Variants in CSMD3 observed in about 807,000 individuals in gnomAD.
CSMD3 encodes the protein CUB and sushi domain-containing protein 3.
A neutral mutation model predicts 435.2 loss-of-function variants in CSMD3; 177 were observed. The ratio of observed to expected loss-of-function variants is 0.41; its 90% CI spans 0.36 to 0.46. The LOEUF is 0.46. Ranked by LOEUF, CSMD3 falls within the 20% of genes least tolerant of loss-of-function variation. The probability of loss-of-function intolerance (pLI) is 0.34; values close to 1 mark genes in which losing one functional copy is unlikely to be tolerated. For synonymous variants in CSMD3, 1,656 were observed against 1,520.5 expected (o/e 1.09, Z -2.07); for missense variants, 4,265 against 4,504.6 (o/e 0.95, Z 1.52).
rs183068786 is a variant in CSMD3 at position 112,806,475 on chromosome 8, A to G, written c.1860-6201T>C. Reference sequence around the variant, plus strand: ...GCAGTCACTTATATGCGCGTCCCACATGCTGTGACAGCTATCTTACAAGTG... The same window carrying G: ...GCAGTCACTTATATGCGCGTCCCACGTGCTGTGACAGCTATCTTACAAGTG... On this transcript the variant is annotated intron_variant, in intron 12 of 70. Transcript: ENST00000297405. 1.3e-5 allele frequency among the ~76,000 whole-genome samples: 2 copies of G among 152,326 alleles called. 1 individual carries two copies. The highest frequency in any genetic ancestry group is 1.3e-4 in the Admixed American group (2 of 15,288).
intron 4 of CSMD3, among the ~76,000 whole-genome samples, chr8:113,146,296 T>G (rs2091671463): frequency 6.6e-6 from 1 of 151,448 alleles, no homozygotes; most frequent in Non-Finnish European, 1.5e-5. Flanking sequence ...GGGTAGGAAG[T>G]GACACTTTAA....
At chr8:112,942,739 T>C (rs2083490040) in intron 9 of CSMD3, among the ~76,000 whole-genome samples, 1 of 151,604 alleles carries the variant, frequency 6.6e-6, no homozygotes, top group Non-Finnish European at 1.5e-5. Context: ...AGGGTGAGGA[T>C]CAGAAAACTA....
chr8:112,808,858 T>A (rs1431875359), intron 12 of CSMD3, among the ~76,000 whole-genome samples: 1 of 152,048 alleles, frequency 6.6e-6, no homozygotes, highest in Non-Finnish European at 1.5e-5. Context: ...GACTCCTGAA[T>A]TAGTCTCAGA....
intron 10 of CSMD3, among the ~76,000 whole-genome samples, chr8:112,863,168 G>T (rs2080874155): frequency 6.6e-6 from 1 of 151,708 alleles, no homozygotes; most frequent in South Asian, 2.1e-4. Context: ...ATTTTGCTTT[G>T]AATTAACTTT....
At chr8:112,493,592 C>T (rs574476506) in intron 30 of CSMD3, among the ~76,000 whole-genome samples, 5 of 152,170 alleles carry the variant, frequency 3.3e-5, no homozygotes, top group Non-Finnish European at 7.4e-5. Context: ...TTTTCTATCC[C>T]TATGCAAAAC....
chr8:112,736,381 C>T (rs2077185601), intron 13 of CSMD3, among the ~76,000 whole-genome samples: 1 of 152,042 alleles, frequency 6.6e-6, no homozygotes, highest in Non-Finnish European at 1.5e-5. Flanking sequence ...TGACCTCCTG[C>T]CTTGACAGGC....
At chr8:112,225,025 T>A in intron 70 of CSMD3, 95 bp from the exon 71 acceptor site, 1 of 1,203,452 alleles carries the variant, frequency 8.3e-7, no homozygotes, top group East Asian at 2.3e-5. Flanking sequence ...GCAGATAATG[T>A]AACTTAAAAA....
intron 10 of CSMD3, among the ~76,000 whole-genome samples, chr8:112,863,336 C>A (rs1346851283): frequency 6.6e-6 from 1 of 151,058 alleles, no homozygotes; most frequent in Admixed American, 6.6e-5. Context: ...AATTAAACTT[C>A]TTCTACAAAT....
At chr8:113,013,768 T>C (rs2086348901) in intron 6 of CSMD3, among the ~76,000 whole-genome samples, 1 of 152,072 alleles carries the variant, frequency 6.6e-6, no homozygotes, top group Admixed American at 6.6e-5. Context: ...GTTTATGTAG[T>C]GGATTGATAT....
At chr8:112,402,443 T>C (rs1427277518) in intron 35 of CSMD3, among the ~76,000 whole-genome samples, 5 of 152,206 alleles carry the variant, frequency 3.3e-5, no homozygotes, top group Non-Finnish European at 5.9e-5. Flanking sequence ...TGTAGGTTCT[T>C]TGAACACTCT....
At chr8:112,755,133 C>T (rs932510623) in intron 13 of CSMD3, among the ~76,000 whole-genome samples, 5 of 151,940 alleles carry the variant, frequency 3.3e-5, no homozygotes, top group Non-Finnish European at 2.9e-5. Flanking sequence ...AGATCGAGAC[C>T]ATCTTGGCTA....
At chr8:112,967,181 AC>A (rs80260564) in intron 7 of CSMD3, among the ~76,000 whole-genome samples, 90,360 of 151,498 alleles carry the variant, frequency 0.6, 28,377 homozygotes, top group East Asian at 0.95. Flanking sequence ...ACTCCAAGAA[AC>A]TATCAACTGT....
intron 2 of CSMD3, among the ~76,000 whole-genome samples, chr8:113,282,980 G>T (rs998071963): frequency 2.0e-5 from 3 of 152,038 alleles, no homozygotes; most frequent in African/African-American, 4.8e-5. Context: ...AACATAAAGT[G>T]GGGAAAGGAC....
intron 32 of CSMD3, among the ~76,000 whole-genome samples, chr8:112,409,956 G>A (rs1378580327): frequency 5.3e-5 from 8 of 151,830 alleles, no homozygotes; most frequent in Non-Finnish European, 1.0e-4. Context: ...TAATGCCAAA[G>A]CAAGGTCACT....
chr8:113,363,522 G>C (rs909110573), intron 1 of CSMD3, among the ~76,000 whole-genome samples: 2 of 152,114 alleles, frequency 1.3e-5, no homozygotes, highest in African/African-American at 2.4e-5. Context: ...TTTCAGAAGG[G>C]CCTTGTTCCC....
chr8:112,384,858 A>G (rs1563872992), intron 36 of CSMD3, among the ~76,000 whole-genome samples: 5 of 152,200 alleles, frequency 3.3e-5, no homozygotes, highest in Admixed American at 3.3e-4. Flanking sequence ...CCCTCTTCAT[A>G]TCTAAATTTC....
chr8:113,389,420 C>A (rs903458019), intron 1 of CSMD3, among the ~76,000 whole-genome samples: 6 of 151,566 alleles, frequency 4.0e-5, no homozygotes, highest in Non-Finnish European at 8.9e-5. Flanking sequence ...TCTTATCTTT[C>A]CCACAAAATA....
intron 39 of CSMD3, 80 bp downstream of exon 39, chr8:112,352,336 C>G: frequency 1.0e-5 from 16 of 1,598,790 alleles, no homozygotes; most frequent in East Asian, 2.3e-5. Flanking sequence ...TTGTAAAACC[C>G]GTGGCTTATC....
intron 34 of CSMD3, among the ~76,000 whole-genome samples, chr8:112,407,704 A>G (rs1179202903): frequency 6.6e-6 from 1 of 152,094 alleles, no homozygotes; most frequent in East Asian, 1.9e-4. Flanking sequence ...AGTGCAAGAT[A>G]CATTTGAGAT....
Sources: allele counts gnomAD v4.1 joint callset (sites outside exome capture counted in the v4.1 genomes callset), GRCh38; gene constraint gnomAD v4.1.1; transcripts MANE v1.5; gene names NCBI Gene and HGNC (gene_info 2026-07-23, HGNC 2026-07-21).